The following GRIP1 variants were observed in gnomAD, a reference collection of about 807,000 sequenced individuals.
GRIP1 encodes the protein glutamate receptor interacting protein 1, also known as glutamate receptor-interacting protein 1.
GRIP1 carries 45 observed loss-of-function variants against 129.9 expected under a neutral mutation model. The ratio of observed to expected loss-of-function variants is 0.35; its 90% confidence interval spans 0.27 to 0.44. The LOEUF (loss-of-function observed/expected upper bound fraction) is 0.44, where lower values mean the gene tolerates loss of function less well. Among genes scored for constraint, GRIP1 ranks in the 20% least tolerant of loss-of-function variants. The pLI is 1.00. For synonymous variants in GRIP1, 530 were observed against 520.8 expected (o/e 1.02, Z -0.24); for missense variants, 1,196 against 1,396.8 (o/e 0.86, Z 2.29).
rs144619408 is a variant in GRIP1 at position 66,746,939 on chromosome 12, A to C, written c.-420+57114T>G. Among the ~76,000 whole-genome samples the C allele has an allele frequency of 4.8e-3, 725 of 152,342 alleles. 6 individuals are homozygous for C. The highest frequency in any genetic ancestry group is 0.017 in the African/African-American group (703 of 41,572). Reference sequence around the variant, plus strand: ...GCTAGCAGAACAATAAATTGTTAGAATCCATTTATGGGCAAAATAGCATTA... The same window carrying C: ...GCTAGCAGAACAATAAATTGTTAGACTCCATTTATGGGCAAAATAGCATTA... On this transcript the variant is annotated intron_variant, in intron 1 of 4. Coordinates refer to the GRIP1 transcript ENST00000538373.
chr12:66,549,130 T>C (rs180688171), intron 2 of GRIP1, among the ~76,000 whole-genome samples: 1 of 152,298 alleles, frequency 6.6e-6, no homozygotes, highest in Admixed American at 6.5e-5. Context: ...AAGAGTGTTT[T>C]TTCCCTGCTG....
chr12:66,719,500 C>T (rs1252605970), intron 1 of GRIP1, among the ~76,000 whole-genome samples: 1 of 151,986 alleles, frequency 6.6e-6, no homozygotes, highest in African/African-American at 2.4e-5. Context: ...ATTGTAAATC[C>T]CTGAGATAGT....
At chr12:66,907,469 G>A (rs2040952791) in intron 1 of GRIP1, among the ~76,000 whole-genome samples, 1 of 152,156 alleles carries the variant, frequency 6.6e-6, no homozygotes, top group Non-Finnish European at 1.5e-5. Flanking sequence ...AAGAAGGACT[G>A]GGTTACATTC....
At chr12:66,919,423 G>A (rs184029496) in intron 1 of GRIP1, among the ~76,000 whole-genome samples, 4 of 152,250 alleles carry the variant, frequency 2.6e-5, no homozygotes, top group Admixed American at 6.5e-5. Context: ...AGAGCAAGGT[G>A]GATTCATTAA....
At chr12:66,867,647 C>A (rs1167857367) in intron 1 of GRIP1, among the ~76,000 whole-genome samples, 3 of 152,096 alleles carry the variant, frequency 2.0e-5, no homozygotes, top group Non-Finnish European at 2.9e-5. Context: ...AAATACCATT[C>A]TTTGAAAATA....
At chr12:66,549,049 C>A (rs940730334) in intron 2 of GRIP1, among the ~76,000 whole-genome samples, 2 of 152,134 alleles carry the variant, frequency 1.3e-5, no homozygotes, top group African/African-American at 4.8e-5. Context: ...ATACTATTAA[C>A]AGTTAAATAG....
At chr12:66,711,128 T>C (rs751578431) in intron 1 of GRIP1, among the ~76,000 whole-genome samples, 1 of 151,912 alleles carries the variant, frequency 6.6e-6, no homozygotes, top group East Asian at 1.9e-4. Context: ...ATGCATAACC[T>C]GATTTAGAGC....
intron 16 of GRIP1, among the ~76,000 whole-genome samples, chr12:66,401,644 A>G (rs1456394387): frequency 6.7e-6 from 1 of 149,748 alleles, no homozygotes; most frequent in African/African-American, 2.5e-5. Flanking sequence ...ACACACACAC[A>G]CACACACACA....
intron 1 of GRIP1, among the ~76,000 whole-genome samples, chr12:66,623,184 C>T (rs2065349986): frequency 6.6e-6 from 1 of 152,118 alleles, no homozygotes; most frequent in Admixed American, 6.6e-5. Context: ...CATGGAGAGG[C>T]ATAACATTTA....
At chr12:66,404,515 T>A (rs1447667658) in intron 16 of GRIP1, among the ~76,000 whole-genome samples, 5 of 152,220 alleles carry the variant, frequency 3.3e-5, no homozygotes, top group African/African-American at 4.8e-5. Context: ...GCAATAGGTT[T>A]CTTTATGTTG....
chr12:67,014,253 T>A (rs2042751502), intron 1 of GRIP1, among the ~76,000 whole-genome samples: 1 of 152,206 alleles, frequency 6.6e-6, no homozygotes, highest in South Asian at 2.1e-4. Flanking sequence ...AGTCACAGTT[T>A]ACAGCTACTA....
chr12:66,877,932 A>T (rs1197730971), intron 1 of GRIP1, among the ~76,000 whole-genome samples: 1 of 152,156 alleles, frequency 6.6e-6, no homozygotes, highest in East Asian at 1.9e-4. Context: ...GTGGGCCAAC[A>T]TTACAGAAAT....
At chr12:66,960,259 G>A (rs1484548804) in intron 1 of GRIP1, among the ~76,000 whole-genome samples, 1 of 152,116 alleles carries the variant, frequency 6.6e-6, no homozygotes, top group Non-Finnish European at 1.5e-5. Context: ...CTCACCAGTT[G>A]TCCAGGCATT....
At chr12:66,402,456 G>T (rs2057036616) in intron 16 of GRIP1, among the ~76,000 whole-genome samples, 1 of 152,208 alleles carries the variant, frequency 6.6e-6, no homozygotes, top group Non-Finnish European at 1.5e-5. Context: ...ATCTCCTTGG[G>T]TAAGGTACAC....
intron 4 of GRIP1, among the ~76,000 whole-genome samples, chr12:66,531,780 T>C (rs1172846523): frequency 6.6e-6 from 1 of 151,970 alleles, no homozygotes; most frequent in Non-Finnish European, 1.5e-5. Flanking sequence ...CTTGAAGAAA[T>C]TGGTTAAGAA....
intron 1 of GRIP1, among the ~76,000 whole-genome samples, chr12:66,664,353 CTT>C (rs1476411959): frequency 2.0e-5 from 3 of 152,154 alleles, no homozygotes; most frequent in East Asian, 1.9e-4. Context: ...TTAAAAATAA[CTT>C]TATATTTTTG....
chr12:66,898,835 CA>C (rs1254911000), intron 1 of GRIP1, among the ~76,000 whole-genome samples: 1 of 152,076 alleles, frequency 6.6e-6, no homozygotes, highest in South Asian at 2.1e-4. Flanking sequence ...AAAAACATGC[CA>C]AGTGCTTTGA....
chr12:66,682,751 G>C (rs2034633877), upstream of GRIP1, among the ~76,000 whole-genome samples: 1 of 151,902 alleles, frequency 6.6e-6, no homozygotes, highest in Admixed American at 6.6e-5. Flanking sequence ...GCCTAAACCT[G>C]GAAATTCATT....
chr12:66,807,348 G>A (rs1246407302), upstream of GRIP1, among the ~76,000 whole-genome samples: 4 of 152,102 alleles, frequency 2.6e-5, no homozygotes, highest in African/African-American at 9.7e-5. Context: ...TCAGCAGTGA[G>A]TGAGTTCTCA....
Sources: allele counts gnomAD v4.1 joint callset (sites outside exome capture counted in the v4.1 genomes callset), GRCh38; gene constraint gnomAD v4.1.1; transcripts MANE v1.5; gene names NCBI Gene and HGNC (gene_info 2026-07-23, HGNC 2026-07-21).